The following DCC variants were observed in gnomAD, a reference collection of about 807,000 sequenced individuals.
DCC encodes the protein DCC netrin 1 receptor, also known as netrin receptor DCC.
A neutral mutation model predicts 172.5 loss-of-function variants in DCC; 58 were observed. That is an observed-to-expected ratio of 0.34 (90% CI 0.27 to 0.42). The LOEUF is 0.42. Among genes scored for constraint, DCC ranks in the 10% least tolerant of loss-of-function variants. The probability of loss-of-function intolerance (pLI) is 1.00; values close to 1 mark genes in which losing one functional copy is unlikely to be tolerated. For synonymous variants in DCC, 709 were observed against 644.5 expected (o/e 1.10, Z -1.52); for missense variants, 1,740 against 1,791.0 (o/e 0.97, Z 0.51).
intron 1 of DCC, among the ~76,000 whole-genome samples, chr18:52,349,843 C>A (rs1241031545): frequency 6.6e-6 from 1 of 152,150 alleles, no homozygotes; most frequent in Admixed American, 6.5e-5. Flanking sequence ...GAAGCTTAAT[C>A]ATGTTTAGTC....
chr18:53,211,979 C>T (rs2055760226), intron 11 of DCC, among the ~76,000 whole-genome samples: 3 of 152,006 alleles, frequency 2.0e-5, no homozygotes, highest in East Asian at 1.9e-4. Flanking sequence ...ACCTGGGAGG[C>T]GGAGGTTGCA....
chr18:53,333,875 C>T (rs562911369), intron 14 of DCC, among the ~76,000 whole-genome samples: 1 of 152,232 alleles, frequency 6.6e-6, no homozygotes, highest in African/African-American at 2.4e-5. Context: ...CACCAAAATC[C>T]CAGACTTACA....
rs561729275 is a variant in DCC at position 52,777,006 on chromosome 18, C to A, written c.412+24632C>A. Among the ~76,000 whole-genome samples, 33 of 152,052 alleles carry A rather than the reference C, an allele frequency of 2.2e-4. No homozygotes were observed. In the South Asian group the frequency reaches 6.7e-3, roughly 31 times the overall value. Reference sequence around the variant, plus strand: ...TGAGGCCAAAGGTGCAAGTTCAGAGCCTTTTTGTGTGTGTTTTGATTTTGT... The same window carrying A: ...TGAGGCCAAAGGTGCAAGTTCAGAGACTTTTTGTGTGTGTTTTGATTTTGT... On this transcript the variant is annotated intron_variant, in intron 2 of 28. Coordinates refer to ENST00000442544, the MANE Select transcript of DCC (RefSeq NM_005215.4).
chr18:53,347,335 G>A (rs1184310649), intron 15 of DCC, among the ~76,000 whole-genome samples: 1 of 152,130 alleles, frequency 6.6e-6, no homozygotes, highest in Non-Finnish European at 1.5e-5. Flanking sequence ...ACCTCATATA[G>A]TTGGGATTTT....
chr18:52,980,333 T>G (rs2041190026), intron 5 of DCC, among the ~76,000 whole-genome samples: 1 of 152,200 alleles, frequency 6.6e-6, no homozygotes, highest in Admixed American at 6.5e-5. Flanking sequence ...AGAGGGCTTA[T>G]TTTAATTCAT....
chr18:52,947,541 A>G (rs1480085287), intron 5 of DCC, among the ~76,000 whole-genome samples: 1 of 152,172 alleles, frequency 6.6e-6, no homozygotes, highest in Non-Finnish European at 1.5e-5. Flanking sequence ...AACTGACCTC[A>G]TTACACTCTG....
intron 14 of DCC, among the ~76,000 whole-genome samples, chr18:53,330,308 T>C (rs1012552158): frequency 6.6e-6 from 1 of 152,180 alleles, no homozygotes; most frequent in African/African-American, 2.4e-5. Context: ...TAATCACTTG[T>C]CATCCAAGCC....
chr18:52,448,279 A>G (rs917136665), intron 1 of DCC, among the ~76,000 whole-genome samples: 1 of 152,176 alleles, frequency 6.6e-6, no homozygotes, highest in Admixed American at 6.5e-5. Flanking sequence ...TCCCAAAACC[A>G]TCCCCTGGCC....
At chr18:53,439,782 T>TTTTTTTTTTA (rs1568133290) in intron 22 of DCC, among the ~76,000 whole-genome samples, 1 of 147,092 alleles carries the variant, frequency 6.8e-6, no homozygotes. Flanking sequence ...TTTTTTTTTT[T>TTTTTTTTTTA]GAGACGGAGT....
intron 12 of DCC, among the ~76,000 whole-genome samples, chr18:53,243,334 T>C (rs2056326866): frequency 6.6e-6 from 1 of 152,228 alleles, no homozygotes; most frequent in Admixed American, 6.5e-5. Context: ...TTGAGAAACA[T>C]ATCAATCCAA....
intron 1 of DCC, among the ~76,000 whole-genome samples, chr18:52,498,417 A>G (rs919091167): frequency 6.6e-6 from 1 of 152,236 alleles, no homozygotes; most frequent in Non-Finnish European, 1.5e-5. Context: ...TGAGGTCATG[A>G]GTTTGAGACC....
At chr18:53,529,503 AAG>A (rs1307412344) in intron 28 of DCC, among the ~76,000 whole-genome samples, 3 of 152,194 alleles carry the variant, frequency 2.0e-5, no homozygotes. Flanking sequence ...AAAGGAAAAA[AAG>A]AAAACTAACA....
chr18:53,404,725 C>T (rs147675095), intron 19 of DCC, among the ~76,000 whole-genome samples: 2,185 of 144,194 alleles, frequency 0.015, 15 homozygotes, highest in Non-Finnish European at 0.019. Flanking sequence ...AGTAAGACTC[C>T]GTCTCAAAAA....
chr18:52,466,449 T>C (rs559044483), intron 1 of DCC, among the ~76,000 whole-genome samples: 4 of 152,300 alleles, frequency 2.6e-5, no homozygotes, highest in Admixed American at 2.6e-4. Context: ...TTGCCCATTC[T>C]ACTTTGTTGT....
chr18:52,610,382 C>CAAAAAAAAAAAAAAAAAAAAAAAAAAAAA (rs55715009), intron 1 of DCC, among the ~76,000 whole-genome samples: 1 of 49,964 alleles, frequency 2.0e-5, no homozygotes, highest in Non-Finnish European at 3.0e-5. Flanking sequence ...TCTGTCTCAA[C>CAAAAAAAAAAAAAAAAAAAAAAAAAAAAA]AAAAAAAAAA....
At chr18:52,681,317 C>T (rs954943233) in intron 1 of DCC, among the ~76,000 whole-genome samples, 13 of 152,004 alleles carry the variant, frequency 8.6e-5, no homozygotes, top group African/African-American at 2.4e-4. Context: ...CCTTAGGACA[C>T]ATTTATCTAC....
chr18:52,565,527 G>A (rs908248316), intron 1 of DCC, among the ~76,000 whole-genome samples: 11 of 152,012 alleles, frequency 7.2e-5, no homozygotes, highest in Non-Finnish European at 1.5e-4. Context: ...TTTAATGATC[G>A]CCATTCTAAC....
At chr18:53,293,874 G>A (rs1271834743) in intron 12 of DCC, among the ~76,000 whole-genome samples, 1 of 152,082 alleles carries the variant, frequency 6.6e-6, no homozygotes, top group Non-Finnish European at 1.5e-5. Context: ...CAAAATACTA[G>A]CCTACCAGAC....
chr18:52,946,662 A>G (rs2040551027), intron 5 of DCC, among the ~76,000 whole-genome samples: 1 of 152,184 alleles, frequency 6.6e-6, no homozygotes, highest in East Asian at 1.9e-4. Context: ...TCCACAATGC[A>G]AACACATTTC....
Sources: allele counts gnomAD v4.1 joint callset (sites outside exome capture counted in the v4.1 genomes callset), GRCh38; gene constraint gnomAD v4.1.1; transcripts MANE v1.5; gene names NCBI Gene and HGNC (gene_info 2026-07-23, HGNC 2026-07-21).